GALNTL6: variants seen among roughly 807,000 people sequenced by gnomAD.
The protein encoded by GALNTL6 is polypeptide N-acetylgalactosaminyltransferase-like 6.
In GALNTL6, 46 loss-of-function variants were observed where a neutral mutation model predicts 73.7. The observed-to-expected ratio is 0.62, with a 90% CI of 0.49 to 0.80. GALNTL6 has a LOEUF of 0.80. Among genes scored for constraint, GALNTL6 ranks in the 30% least tolerant of loss-of-function variants. The pLI is 0.00. For missense variants in GALNTL6, 604 were observed against 755.0 expected (o/e 0.80, Z 2.34); for synonymous variants, 259 against 263.7 (o/e 0.98, Z 0.17).
At chr4:172,931,029 G>A (rs1748305923) in intron 8 of GALNTL6, 132 bp from the exon 9 acceptor site, 4 of 649,740 alleles carry the variant, frequency 6.2e-6, no homozygotes, top group African/African-American at 1.8e-5. Flanking sequence ...TTTCTGGTTA[G>A]CCATTTATAA....
chr4:172,316,699 A>C (rs1346655314), intron 4 of GALNTL6, among the ~76,000 whole-genome samples: 1 of 152,208 alleles, frequency 6.6e-6, no homozygotes, highest in African/African-American at 2.4e-5. Flanking sequence ...TAGCCCCAGA[A>C]ACGATTTGCT....
intron 4 of GALNTL6, among the ~76,000 whole-genome samples, chr4:172,322,342 C>T (rs984239799): frequency 2.6e-5 from 4 of 152,074 alleles, no homozygotes; most frequent in African/African-American, 4.8e-5. Context: ...CCCCCTCAGT[C>T]GAATTCTTTC....
chr4:171,953,215 C>T (rs918681516), intron 2 of GALNTL6, among the ~76,000 whole-genome samples: 34 of 141,202 alleles, frequency 2.4e-4, no homozygotes, highest in Admixed American at 6.0e-4. Flanking sequence ...AAATGGTGTG[C>T]GCATGCGCAC....
intron 5 of GALNTL6, among the ~76,000 whole-genome samples, chr4:172,763,646 T>C (rs888856925): frequency 2.0e-5 from 3 of 152,238 alleles, no homozygotes; most frequent in African/African-American, 4.8e-5. Flanking sequence ...CTATGGAGCT[T>C]GTTTAACACT....
intron 7 of GALNTL6, among the ~76,000 whole-genome samples, chr4:172,817,304 G>A (rs1055314357): frequency 2.0e-5 from 3 of 151,924 alleles, no homozygotes; most frequent in Admixed American, 6.6e-5. Context: ...GGTGGTGCAC[G>A]CCTGTAGTCC....
chr4:172,170,307 G>C (rs1734770551), intron 2 of GALNTL6, among the ~76,000 whole-genome samples: 1 of 152,100 alleles, frequency 6.6e-6, no homozygotes, highest in Non-Finnish European at 1.5e-5. Flanking sequence ...GTTATCATGA[G>C]ATCTGATGGC....
At chr4:172,375,109 A>G (rs2111266941) in intron 5 of GALNTL6, among the ~76,000 whole-genome samples, 1 of 152,256 alleles carries the variant, frequency 6.6e-6, no homozygotes, top group Admixed American at 6.5e-5. Context: ...ATTAATAGGA[A>G]GGGGAGCTAT....
chr4:172,656,891 A>G (rs1579296908), intron 5 of GALNTL6, among the ~76,000 whole-genome samples: 1 of 152,178 alleles, frequency 6.6e-6, no homozygotes, highest in Middle Eastern at 3.4e-3. Context: ...AGATATATCT[A>G]TAATGCAATA....
intron 5 of GALNTL6, among the ~76,000 whole-genome samples, chr4:172,391,224 T>A (rs1488164507): frequency 6.6e-6 from 1 of 152,226 alleles, no homozygotes; most frequent in African/African-American, 2.4e-5. Flanking sequence ...TGGTCTCTGC[T>A]TTCAAGACAG....
intron 5 of GALNTL6, among the ~76,000 whole-genome samples, chr4:172,423,462 C>A (rs1308874678): frequency 2.0e-5 from 3 of 151,940 alleles, no homozygotes; most frequent in Non-Finnish European, 4.4e-5. Flanking sequence ...TATCCTTGAA[C>A]CTGCCAAGTG....
At chr4:172,775,835 A>C (rs1739042766) in intron 5 of GALNTL6, among the ~76,000 whole-genome samples, 1 of 152,162 alleles carries the variant, frequency 6.6e-6, no homozygotes. Flanking sequence ...GGATTGATGA[A>C]TGAAATGGCC....
At chr4:172,126,535 G>A (rs1467808201) in intron 2 of GALNTL6, among the ~76,000 whole-genome samples, 1 of 152,154 alleles carries the variant, frequency 6.6e-6, no homozygotes, top group Admixed American at 6.5e-5. Flanking sequence ...GCTCAGCAAG[G>A]ATCAGCTGGC....
intron 5 of GALNTL6, among the ~76,000 whole-genome samples, chr4:172,391,496 G>A (rs569022637): frequency 1.7e-4 from 26 of 152,146 alleles, no homozygotes; most frequent in Middle Eastern, 3.4e-3. Flanking sequence ...GTGAGCCACC[G>A]TGCCTGGCTC....
intron 10 of GALNTL6, among the ~76,000 whole-genome samples, chr4:173,006,726 C>A (rs77780382): frequency 0.013 from 1,947 of 152,258 alleles, 36 homozygotes; most frequent in African/African-American, 0.045. Flanking sequence ...GCAACTAGTT[C>A]CCAAGGGGTC....
At position 172,540,139 on chromosome 4, in the gene GALNTL6, C is replaced by A. The variant is rs368693597; in HGVS notation, c.553+191450C>A. On this transcript the variant is annotated intron_variant, in intron 5 of 12. Transcript: ENST00000506823. ...GATCTCAGCCCACTGCAACCTCTGCCTCCCAGGTTCAAGTGATTCCCCTGC... is the reference window on the plus strand; with the variant it reads ...GATCTCAGCCCACTGCAACCTCTGCATCCCAGGTTCAAGTGATTCCCCTGC... 9.3e-5 allele frequency among the ~76,000 whole-genome samples: 14 copies of A among 151,330 alleles called. No individual in the cohort carries two copies. In the East Asian group the frequency reaches 1.6e-3, roughly 17 times the overall value.
At chr4:173,033,088 C>G (rs1203843572) in intron 12 of GALNTL6, among the ~76,000 whole-genome samples, 2 of 152,174 alleles carry the variant, frequency 1.3e-5, no homozygotes, top group Non-Finnish European at 2.9e-5. Context: ...GCAACCTCCT[C>G]CTCCTGGGTT....
At chr4:171,956,018 C>T (rs529994766) in intron 2 of GALNTL6, among the ~76,000 whole-genome samples, 2 of 141,554 alleles carry the variant, frequency 1.4e-5, no homozygotes, top group South Asian at 4.5e-4. Context: ...GTGTGTGGGA[C>T]AGGGCCTCAT....
At chr4:172,010,580 G>A (rs1740976596) in intron 2 of GALNTL6, among the ~76,000 whole-genome samples, 1 of 108,178 alleles carries the variant, frequency 9.2e-6, no homozygotes, top group African/African-American at 3.3e-5. Context: ...GAATGCATTT[G>A]CTATTATTAA....
rs559262348 is a variant in GALNTL6, at chr4:172,027,781, C to T, written c.139-201875C>T. ...AAGTTATTGAAAGAAATTAAAAGTG[C>T]TACTCCAGTGAGTGCATGAATACTA... On this transcript the variant is annotated intron_variant, in intron 2 of 12. Coordinates refer to ENST00000506823, the MANE Select transcript of GALNTL6 (RefSeq NM_001034845.3). Among the ~76,000 whole-genome samples, 10 of 152,224 alleles carry T rather than the reference C, an allele frequency of 6.6e-5. No homozygotes were observed. In the East Asian group the frequency reaches 1.9e-3, roughly 29 times the overall value.
Sources: allele counts gnomAD v4.1 joint callset (sites outside exome capture counted in the v4.1 genomes callset), GRCh38; gene constraint gnomAD v4.1.1; transcripts MANE v1.5; gene names NCBI Gene and HGNC (gene_info 2026-07-23, HGNC 2026-07-21).